RANBP2: variants seen among roughly 807,000 people sequenced by gnomAD.
RANBP2 encodes E3 SUMO-protein ligase RanBP2.
Under a neutral mutation model 303.6 loss-of-function variants are expected in RANBP2, and 57 were observed. That is an observed-to-expected ratio of 0.19 (90% CI 0.15 to 0.23). The LOEUF (loss-of-function observed/expected upper bound fraction) is 0.23, where lower values mean the gene tolerates loss of function less well. Ranked by LOEUF, RANBP2 falls within the 10% of genes least tolerant of loss-of-function variation. The probability of loss-of-function intolerance (pLI) is 1.00; values close to 1 mark genes in which losing one functional copy is unlikely to be tolerated. For synonymous variants in RANBP2, 1,167 were observed against 1,301.5 expected (o/e 0.90, Z 2.23); for missense variants, 3,138 against 3,780.8 (o/e 0.83, Z 4.46).
At chr2:109,340,795 A>G in the RANBP2 span, among the ~76,000 whole-genome samples, 1 of 152,230 alleles carries the variant, frequency 6.6e-6, no homozygotes, top group East Asian at 1.9e-4. Flanking sequence ...AACTAAGCCC[A>G]AGGTACTTTG....
At chr2:108,827,353 C>G in the RANBP2 span, among the ~76,000 whole-genome samples, 1 of 151,806 alleles carries the variant, frequency 6.6e-6, no homozygotes, top group African/African-American at 2.4e-5. Context: ...ATTTACAAAG[C>G]TAGTAAAATA....
the RANBP2 span, among the ~76,000 whole-genome samples, chr2:109,134,295 G>A: frequency 1.2e-4 from 19 of 152,238 alleles, no homozygotes; most frequent in Admixed American, 5.2e-4. Flanking sequence ...GGATGTTGTC[G>A]TGGTTCGGTC....
the RANBP2 span, among the ~76,000 whole-genome samples, chr2:109,569,346 G>A: frequency 2.0e-5 from 3 of 150,874 alleles, no homozygotes; most frequent in Non-Finnish European, 2.9e-5. Flanking sequence ...CAGAAGAATC[G>A]CTTGAACCCA....
chr2:109,412,302 G>A, the RANBP2 span, among the ~76,000 whole-genome samples: 1 of 152,236 alleles, frequency 6.6e-6, no homozygotes, highest in Admixed American at 6.5e-5. Flanking sequence ...AGCAGCTCCA[G>A]GACATTGGGA....
At chr2:109,647,155 C>CT in the RANBP2 span, among the ~76,000 whole-genome samples, 3,341 of 71,502 alleles carry the variant, frequency 0.047, 580 homozygotes, top group East Asian at 0.17. Flanking sequence ...GCTCTCCTCA[C>CT]TTTTTTTTTT....
chr2:108,966,839 T>C, the RANBP2 span, among the ~76,000 whole-genome samples: 1 of 152,100 alleles, frequency 6.6e-6, no homozygotes, highest in Non-Finnish European at 1.5e-5. Context: ...AACTGCTGAG[T>C]AGGACAAACA....
chr2:109,622,483 ACT>A, the RANBP2 span, among the ~76,000 whole-genome samples: 1 of 152,078 alleles, frequency 6.6e-6, no homozygotes, highest in Non-Finnish European at 1.5e-5. Flanking sequence ...TGACTTGAAC[ACT>A]CTGTTGTTAC....
chr2:109,734,119 C>G, the RANBP2 span, among the ~76,000 whole-genome samples: 10 of 146,996 alleles, frequency 6.8e-5, 1 homozygote, highest in African/African-American at 2.3e-4. Context: ...GTGGAGGTTC[C>G]AGTAAGCTGA....
the RANBP2 span, among the ~76,000 whole-genome samples, chr2:109,188,073 G>A: frequency 6.6e-6 from 1 of 152,228 alleles, no homozygotes; most frequent in Non-Finnish European, 1.5e-5. Flanking sequence ...CGTAGTGAGT[G>A]GTCCCGAACT....
the RANBP2 span, among the ~76,000 whole-genome samples, chr2:108,811,465 T>A: frequency 6.6e-6 from 1 of 151,918 alleles, no homozygotes; most frequent in Non-Finnish European, 1.5e-5. Flanking sequence ...AGGCTGGTCT[T>A]GAACTGGGCT....
chr2:109,689,644 C>T, the RANBP2 span, among the ~76,000 whole-genome samples: 6 of 152,004 alleles, frequency 3.9e-5, no homozygotes, highest in South Asian at 2.1e-4. Context: ...ATTTTTTTCC[C>T]GCTACATTCT....
intron 25 of RANBP2, 62 bp downstream of exon 25, chr2:108,777,293 T>A (rs533855019): frequency 7.6e-7 from 1 of 1,309,980 alleles, no homozygotes; most frequent in Non-Finnish European, 1.1e-6. Context: ...ACTGAAAAAC[T>A]AGTTTTTTGT....
chr2:108,719,526 G>A lies in RANBP2; in HGVS notation c.-81G>A. 1.3e-6 allele frequency: 2 copies of A among 1,549,530 alleles called. No individual in the cohort carries two copies. Among genetic ancestry groups the A allele is most frequent in the South Asian group, 1.2e-5 (1 of 84,274 alleles). ...TACGGCGCTGCGTCACTGGTTTGCA[G>A]GCGCTTTCCTCTTGGAAGTGGCGAC... On this transcript the variant is annotated 5_prime_UTR_variant, in exon 1 of 29. Coordinates refer to ENST00000283195, the MANE Select transcript of RANBP2 (RefSeq NM_006267.5).
chr2:109,271,270 C>A, the RANBP2 span, among the ~76,000 whole-genome samples: 26 of 152,284 alleles, frequency 1.7e-4, no homozygotes, highest in Non-Finnish European at 3.7e-4. Context: ...GGCCCTGCAC[C>A]CAGGAGTCTC....
chr2:109,337,468 A>T, the RANBP2 span, among the ~76,000 whole-genome samples: 1,146 of 152,272 alleles, frequency 7.5e-3, 13 homozygotes, highest in African/African-American at 0.026. Flanking sequence ...GTTTTCCTCA[A>T]ATGGTGATAA....
chr2:109,045,172 T>C, the RANBP2 span, among the ~76,000 whole-genome samples: 3 of 152,178 alleles, frequency 2.0e-5, no homozygotes, highest in Non-Finnish European at 1.5e-5. Context: ...GATACCTGCC[T>C]GGAAAGAGTC....
intron 6 of RANBP2, among the ~76,000 whole-genome samples, chr2:108,736,662 A>G (rs1407575373): frequency 1.3e-5 from 2 of 152,236 alleles, no homozygotes; most frequent in South Asian, 2.1e-4. Flanking sequence ...CATCACTGGT[A>G]TTTCAGAAAA....
the RANBP2 span, among the ~76,000 whole-genome samples, chr2:109,067,271 C>T: frequency 6.6e-6 from 1 of 152,270 alleles, no homozygotes; most frequent in Non-Finnish European, 1.5e-5. Context: ...AAAAAGTCAG[C>T]CAATTTTGTC....
At chr2:109,419,462 A>T in the RANBP2 span, 1 of 1,421,990 alleles carries the variant, frequency 7.0e-7, no homozygotes, top group South Asian at 1.3e-5. Flanking sequence ...CTGTGGATGC[A>T]GCCTCATTTT....
Sources: gnomAD v4.1 joint callset for allele counts (sites outside exome capture counted in the v4.1 genomes callset) on GRCh38, gnomAD v4.1.1 for gene constraint, MANE v1.5 for transcripts, NCBI Gene and HGNC (gene_info 2026-07-23, HGNC 2026-07-21) for gene names.